The following RBFOX1 variants were observed in gnomAD, a reference collection of about 807,000 sequenced individuals.
RBFOX1 encodes the protein RNA binding fox-1 homolog 1, also known as RNA binding protein fox-1 homolog 1.
A neutral mutation model predicts 57.7 loss-of-function variants in RBFOX1; 8 were observed. That is an observed-to-expected ratio of 0.14 (90% CI 0.08 to 0.25). RBFOX1 has a LOEUF of 0.25. Ranked by LOEUF, RBFOX1 falls within the 10% of genes least tolerant of loss-of-function variation. The pLI, the probability that RBFOX1 is intolerant of heterozygous loss-of-function variation, is 1.00. For synonymous variants in RBFOX1, 326 were observed against 222.4 expected, an observed-to-expected ratio of 1.47 and a Z score of -4.15; for missense variants, 611 against 548.5, an observed-to-expected ratio of 1.11 and a Z score of -1.14.
At chr16:7,121,813 A>C (rs776041675) in intron 4 of RBFOX1, among the ~76,000 whole-genome samples, 2 of 152,010 alleles carry the variant, frequency 1.3e-5, no homozygotes, top group African/African-American at 4.8e-5. Flanking sequence ...AGATAGTGCA[A>C]ACCAGTAAAG....
At chr16:6,980,716 T>C (rs1231503148) in intron 3 of RBFOX1, among the ~76,000 whole-genome samples, 1 of 152,066 alleles carries the variant, frequency 6.6e-6, no homozygotes, top group East Asian at 1.9e-4. Flanking sequence ...AGCAATGTCA[T>C]CAAAGGAGGG....
intron 11 of RBFOX1, among the ~76,000 whole-genome samples, chr16:7,641,437 C>T (rs1218638607): frequency 1.3e-5 from 2 of 152,152 alleles, no homozygotes; most frequent in African/African-American, 4.8e-5. Context: ...TAATGGAGAA[C>T]TTCGGAGCAC....
intron 1 of RBFOX1, among the ~76,000 whole-genome samples, chr16:6,096,623 C>A (rs1449633559): frequency 6.6e-6 from 1 of 152,194 alleles, no homozygotes; most frequent in Admixed American, 6.5e-5. Flanking sequence ...TGAACCAACA[C>A]TTTCTTTTCA....
At chr16:7,290,870 A>G (rs1395671809) in intron 4 of RBFOX1, among the ~76,000 whole-genome samples, 1 of 152,186 alleles carries the variant, frequency 6.6e-6, no homozygotes, top group Non-Finnish European at 1.5e-5. Flanking sequence ...GTAATGTAGT[A>G]TTATCGGTAT....
At chr16:7,404,645 G>T (rs1371659540) in intron 4 of RBFOX1, among the ~76,000 whole-genome samples, 1 of 152,190 alleles carries the variant, frequency 6.6e-6, no homozygotes, top group Non-Finnish European at 1.5e-5. Context: ...GTCATGCTGT[G>T]CTGCCAGCGT....
At chr16:5,789,307 G>T (rs1344687410) in intron 3 of RBFOX1, among the ~76,000 whole-genome samples, 2 of 152,140 alleles carry the variant, frequency 1.3e-5, no homozygotes, top group Non-Finnish European at 2.9e-5. Flanking sequence ...GGGAGGTGTG[G>T]TGAAGGAGAG....
In RBFOX1 at chr16:5,789,801, C is replaced by T. The variant is rs142977956; in HGVS notation, c.319-77502C>T. Among the ~76,000 whole-genome samples, 287 of 152,310 alleles carry T rather than the reference C, an allele frequency of 1.9e-3. 3 individuals are homozygous for T. The highest frequency in any genetic ancestry group is 6.4e-3 in the African/African-American group (268 of 41,562). On this transcript the variant is annotated intron_variant, in intron 3 of 19. Transcript: ENST00000641259. ...GTCCTAATCTGATCTCAAGATGTCT[C>T]CTTCTAACCGCCAGGCCAACCTTCC...
At chr16:5,619,807 G>C (rs867163) in intron 3 of RBFOX1, among the ~76,000 whole-genome samples, 2 of 151,846 alleles carry the variant, frequency 1.3e-5, no homozygotes, top group Admixed American at 1.3e-4. Context: ...CTTTCACTGA[G>C]TTTCCGTGAA....
At chr16:6,390,432 A>T (rs1316124108) in intron 2 of RBFOX1, among the ~76,000 whole-genome samples, 1 of 152,090 alleles carries the variant, frequency 6.6e-6, no homozygotes, top group Non-Finnish European at 1.5e-5. Flanking sequence ...TCAATTTTTT[A>T]AAAAATGTTT....
intron 4 of RBFOX1, among the ~76,000 whole-genome samples, chr16:7,203,853 A>C (rs1052125091): frequency 2.6e-5 from 4 of 152,214 alleles, no homozygotes; most frequent in African/African-American, 9.6e-5. Context: ...CCAGAAATCT[A>C]AGTTTGTCCA....
At chr16:7,441,627 A>G (rs962168402) in intron 4 of RBFOX1, among the ~76,000 whole-genome samples, 5 of 152,226 alleles carry the variant, frequency 3.3e-5, no homozygotes, top group Admixed American at 3.3e-4. Flanking sequence ...ATTAGCTGCC[A>G]ACATTTAGAT....
At chr16:7,591,689 AC>A (rs1299054145) in intron 7 of RBFOX1, among the ~76,000 whole-genome samples, 1 of 151,976 alleles carries the variant, frequency 6.6e-6, no homozygotes, top group Non-Finnish European at 1.5e-5. Flanking sequence ...CCTTCTCTGT[AC>A]CCCTTCTTGC....
chr16:6,487,690 AAAAAAAAAAAATATATATATATATATAT>A (rs1278739615), intron 2 of RBFOX1, among the ~76,000 whole-genome samples: 4 of 11,158 alleles, frequency 3.6e-4, no homozygotes, highest in African/African-American at 7.8e-4. Flanking sequence ...AAAAAAAAAA[AAAAAAAAAAAATATATATATATATATAT>A]ATATATATAT....
intron 11 of RBFOX1, among the ~76,000 whole-genome samples, chr16:7,630,905 A>T (rs1254153557): frequency 2.6e-5 from 4 of 152,082 alleles, no homozygotes; most frequent in African/African-American, 7.2e-5. Flanking sequence ...AATGGTTGGG[A>T]ATGTGGGCAT....
chr16:6,804,737 G>C (rs1215158560), intron 3 of RBFOX1, among the ~76,000 whole-genome samples: 1 of 152,124 alleles, frequency 6.6e-6, no homozygotes, highest in African/African-American at 2.4e-5. Flanking sequence ...TTTACTTCAT[G>C]AGAGCCCTAG....
chr16:6,483,326 G>T, intron 2 of RBFOX1: 1 of 1,466,134 alleles, frequency 6.8e-7, no homozygotes, highest in Non-Finnish European at 9.0e-7. Flanking sequence ...GGGGCGTTCT[G>T]CACCTGCTGG....
chr16:6,159,807 G>A (rs1184283782), intron 1 of RBFOX1, among the ~76,000 whole-genome samples: 1 of 152,238 alleles, frequency 6.6e-6, no homozygotes, highest in African/African-American at 2.4e-5. Flanking sequence ...ACAGAAGACT[G>A]ACTTGAAGTG....
At chr16:6,772,115 A>G (rs1283118419) in intron 3 of RBFOX1, among the ~76,000 whole-genome samples, 2 of 152,116 alleles carry the variant, frequency 1.3e-5, no homozygotes, top group East Asian at 1.9e-4. Flanking sequence ...CTTCCTTTCA[A>G]TGCTGTTAAC....
At chr16:5,880,297 C>G (rs914414789) in intron 4 of RBFOX1, among the ~76,000 whole-genome samples, 2 of 152,266 alleles carry the variant, frequency 1.3e-5, no homozygotes, top group African/African-American at 4.8e-5. Flanking sequence ...AGTACCTCCA[C>G]TGGTTTTTTG....
Sources: gnomAD v4.1 joint callset for allele counts (sites outside exome capture counted in the v4.1 genomes callset) on GRCh38, gnomAD v4.1.1 for gene constraint, MANE v1.5 for transcripts, NCBI Gene and HGNC (gene_info 2026-07-23, HGNC 2026-07-21) for gene names.